The following FAM227B variants were observed in gnomAD, a reference collection of about 807,000 sequenced individuals.
FAM227B encodes protein FAM227B.
In FAM227B, 88 loss-of-function variants were observed where a neutral mutation model predicts 73.8. The observed-to-expected ratio is 1.19, with a 90% CI of 1.00 to 1.42. The LOEUF is 1.42. Among genes scored for constraint, FAM227B ranks in the 40% most tolerant of loss-of-function variants. The pLI is 0.00. For missense variants in FAM227B, 632 were observed against 590.9 expected (o/e 1.07, Z -0.72); for synonymous variants, 210 against 190.5 (o/e 1.10, Z -0.84).
Position 49,446,427 on chromosome 15 carries a change from C to T in FAM227B, c.1012+61784G>A, listed in dbSNP as rs190147763. ...CCATAGGAAATAATTTGGTAAGTTA[C>T]GATAGTTGCTAGTAAGTTTCATATG... On this transcript the variant is annotated intron_variant, in intron 11 of 15. Transcript: ENST00000299338. 2.1e-3 allele frequency among the ~76,000 whole-genome samples: 321 copies of T among 151,482 alleles called. 2 individuals are homozygous for T. The highest frequency in any genetic ancestry group is 7.2e-3 in the African/African-American group (298 of 41,420).
At chr15:49,562,746 A>G (rs1197350287) in intron 9 of FAM227B, among the ~76,000 whole-genome samples, 1 of 152,196 alleles carries the variant, frequency 6.6e-6, no homozygotes, top group East Asian at 1.9e-4. Context: ...ATTTTTTTAA[A>G]AAATATGATC....
chr15:49,381,256 G>A (rs1056046413), intron 11 of FAM227B, among the ~76,000 whole-genome samples: 2 of 152,118 alleles, frequency 1.3e-5, no homozygotes, highest in South Asian at 2.1e-4. Flanking sequence ...CATTAGATTT[G>A]GAGGGCACAC....
At chr15:49,531,430 ATC>A (rs2060601722) in intron 10 of FAM227B, among the ~76,000 whole-genome samples, 1 of 151,864 alleles carries the variant, frequency 6.6e-6, no homozygotes, top group Non-Finnish European at 1.5e-5. Flanking sequence ...GAAATAAGAT[ATC>A]TCTATCAGAA....
chr15:49,352,842 C>T (rs2042447550), intron 13 of FAM227B, among the ~76,000 whole-genome samples: 1 of 152,164 alleles, frequency 6.6e-6, no homozygotes, highest in Admixed American at 6.5e-5. Context: ...AAATCACCTA[C>T]CTCAGTCCTT....
At chr15:49,580,047 G>A (rs150831703) in intron 5 of FAM227B, among the ~76,000 whole-genome samples, 1 of 152,228 alleles carries the variant, frequency 6.6e-6, no homozygotes, top group Non-Finnish European at 1.5e-5. Context: ...AAAAAACATA[G>A]TTTTTGGTCA....
intron 11 of FAM227B, among the ~76,000 whole-genome samples, chr15:49,464,188 C>T (rs956291621): frequency 3.3e-5 from 5 of 152,096 alleles, no homozygotes; most frequent in African/African-American, 1.2e-4. Flanking sequence ...TAATCAGAAT[C>T]TCCACAGAGT....
chr15:49,590,911 C>T (rs1313002399), intron 3 of FAM227B, among the ~76,000 whole-genome samples: 1 of 151,958 alleles, frequency 6.6e-6, no homozygotes, highest in Non-Finnish European at 1.5e-5. Flanking sequence ...TGAGATCATG[C>T]CACAGTTGCC....
At chr15:49,579,468 C>T (rs917709810) in intron 5 of FAM227B, among the ~76,000 whole-genome samples, 3 of 152,080 alleles carry the variant, frequency 2.0e-5, no homozygotes, top group Admixed American at 6.6e-5. Flanking sequence ...AGCCATTAAA[C>T]GAATGAAATC....
chr15:49,366,197 G>A, intron 13 of FAM227B: 3 of 803,622 alleles, frequency 3.7e-6, no homozygotes, highest in African/African-American at 1.7e-5. Flanking sequence ...AGGCCACGAT[G>A]GAGAACACAT....
chr15:49,340,697 C>T (rs761825515), intron 13 of FAM227B, among the ~76,000 whole-genome samples: 28 of 152,262 alleles, frequency 1.8e-4, no homozygotes, highest in Non-Finnish European at 3.1e-4. Context: ...TGAATATTTT[C>T]TCCCATTCTG....
At chr15:49,550,439 T>C (rs2152306360) in intron 9 of FAM227B, among the ~76,000 whole-genome samples, 1 of 151,504 alleles carries the variant, frequency 6.6e-6, no homozygotes, top group South Asian at 2.1e-4. Context: ...GCTCCTCACT[T>C]CCCAGACGGG....
chr15:49,381,082 T>C (rs2046503815), intron 11 of FAM227B, among the ~76,000 whole-genome samples: 1 of 152,062 alleles, frequency 6.6e-6, no homozygotes, highest in African/African-American at 2.4e-5. Context: ...GGAGGTGTCA[T>C]GCATTTTTAA....
At chr15:49,464,643 C>T (rs1329723609) in intron 11 of FAM227B, among the ~76,000 whole-genome samples, 1 of 152,122 alleles carries the variant, frequency 6.6e-6, no homozygotes, top group Non-Finnish European at 1.5e-5. Flanking sequence ...GCAAAAATGA[C>T]ACCAATAAAT....
chr15:49,604,208 T>C (rs1276775573), intron 3 of FAM227B, among the ~76,000 whole-genome samples: 6 of 152,214 alleles, frequency 3.9e-5, no homozygotes, highest in African/African-American at 1.4e-4. Context: ...ATTGTTAGTG[T>C]TCTTCATTTG....
At chr15:49,572,069 G>A (rs1032427284) in intron 8 of FAM227B, among the ~76,000 whole-genome samples, 10 of 151,698 alleles carry the variant, frequency 6.6e-5, no homozygotes, top group Non-Finnish European at 1.3e-4. Flanking sequence ...TCACCTCCTT[G>A]GTTAAGTTTA....
Position 49,430,575 on chromosome 15 carries a change from C to T in FAM227B, c.1013-59176G>A, listed in dbSNP as rs373643624. On this transcript the variant is annotated intron_variant, in intron 11 of 15. Transcript: ENST00000299338. ...ATAAAGAAAAGAAATTTATTCTTCA[C>T]AGTTCTGGAGGCTGGGAAGTCCAAT... Among the ~76,000 whole-genome samples the T allele has an allele frequency of 3.3e-5, 5 of 151,798 alleles. No individual in the cohort carries two copies. In the East Asian group the frequency reaches 7.8e-4, roughly 24 times the overall value.
At chr15:49,416,003 C>A (rs2049184251) in intron 11 of FAM227B, among the ~76,000 whole-genome samples, 1 of 152,136 alleles carries the variant, frequency 6.6e-6, no homozygotes. Flanking sequence ...TAAACTCAAT[C>A]TCCTATTACC....
chr15:49,441,814 G>T (rs997729519), intron 11 of FAM227B, among the ~76,000 whole-genome samples: 4 of 150,808 alleles, frequency 2.7e-5, no homozygotes, highest in African/African-American at 9.7e-5. Flanking sequence ...TTATCTCATT[G>T]AATTCCTATC....
At chr15:49,449,018 T>C (rs574334304) in intron 11 of FAM227B, among the ~76,000 whole-genome samples, 2 of 151,842 alleles carry the variant, frequency 1.3e-5, no homozygotes, top group Non-Finnish European at 2.9e-5. Context: ...ATAGGAGAAA[T>C]AACATTCTTT....
Sources: gnomAD v4.1 joint callset for allele counts (sites outside exome capture counted in the v4.1 genomes callset) on GRCh38, gnomAD v4.1.1 for gene constraint, MANE v1.5 for transcripts, NCBI Gene and HGNC (gene_info 2026-07-23, HGNC 2026-07-21) for gene names.